TJP1: variants seen among roughly 807,000 people sequenced by gnomAD.
TJP1 encodes the protein tight junction protein 1.
In TJP1, 43 loss-of-function variants were observed where a neutral mutation model predicts 194.2. That is an observed-to-expected ratio of 0.22 (90% confidence interval 0.17 to 0.29). The LOEUF (loss-of-function observed/expected upper bound fraction) is 0.29. Ranked by LOEUF, TJP1 falls within the 10% of genes least tolerant of loss-of-function variation. The probability of loss-of-function intolerance (pLI) is 1.00; values close to 1 mark genes in which losing one functional copy is unlikely to be tolerated. For missense variants in TJP1, 1,971 were observed against 2,185.7 expected (o/e 0.90, Z 1.96); for synonymous variants, 801 against 779.0 (o/e 1.03, Z -0.47).
chr15:29,910,524 G>C (rs182419945), intron 2 of TJP1, among the ~76,000 whole-genome samples: 185 of 152,302 alleles, frequency 1.2e-3, no homozygotes, highest in Non-Finnish European at 2.1e-3. Context: ...TTTATATGTA[G>C]AAGTGTATTT....
At chr15:29,870,890 A>C (rs1348581546) in intron 2 of TJP1, among the ~76,000 whole-genome samples, 1 of 152,202 alleles carries the variant, frequency 6.6e-6, no homozygotes, top group African/African-American at 2.4e-5. Context: ...TAAAGCTAAC[A>C]AGTTGATTGA....
At chr15:29,747,973 T>G (rs2044921863) in intron 8 of TJP1, among the ~76,000 whole-genome samples, 1 of 152,236 alleles carries the variant, frequency 6.6e-6, no homozygotes. Flanking sequence ...ACCATTCTAT[T>G]CAATTTTTCA....
Position 29,733,099 on chromosome 15 carries a change from C to A in TJP1, c.1731G>T (p.Lys577Asn), listed in dbSNP as rs757282559. 22 of 1,612,980 alleles carry A rather than the reference C, an allele frequency of 1.4e-5. 1 individual carries two copies. The Admixed American group carries it at 1.7e-4, about 12-fold the overall frequency. The change falls in exon 13 of 28, where the codon AAG (lysine) becomes AAT (asparagine). Residue 577 changes from lysine to asparagine, a missense_variant. Around this residue, in one of 5 missense-constraint regions of TJP1, gnomAD observed 402 missense variants for 484.2 expected, o/e 0.83. Coordinates refer to ENST00000614355, the MANE Select transcript of TJP1 (RefSeq NM_001330239.4). ...AAGTATCCAAGCATTCATACCTGTT[C>A]TTATTAGGGATGATGCCTCGTTCTA... ...KEVERGIIPN[K>N]NRAEQLASVQ...
intron 1 of TJP1, among the ~76,000 whole-genome samples, chr15:29,811,037 A>C (rs2049462102): frequency 6.6e-6 from 1 of 152,164 alleles, no homozygotes; most frequent in African/African-American, 2.4e-5. Context: ...CTATGAAAGA[A>C]GGAAAAACAG....
Position 29,701,295 on chromosome 15 carries a change from G to A in TJP1, c.*300C>T, listed in dbSNP as rs147285364. On this transcript the variant is annotated 3_prime_UTR_variant, in exon 28 of 28. Transcript: ENST00000614355. ...CCCATTTACTGGCTGGTATTTTAAC[G>A]GAAATCAATATGTGAAGTTAAGCAG... 7 of 275,882 alleles carry A rather than the reference G, an allele frequency of 2.5e-5. 1 individual carries two copies. The highest frequency in any genetic ancestry group is 1.9e-4 in the East Asian group (3 of 15,484). The allele number at this position is 275,882 out of a possible 1,614,324, so 17.1% of individuals were successfully genotyped here.
At chr15:29,859,228 G>A (rs749771795) in intron 2 of TJP1, among the ~76,000 whole-genome samples, 5 of 152,136 alleles carry the variant, frequency 3.3e-5, no homozygotes, top group Non-Finnish European at 7.4e-5. Context: ...ACAAAAGGTC[G>A]GAATGATCAA....
At chr15:29,718,227 G>C in intron 21 of TJP1, 39 bp downstream of exon 21, 2 of 1,598,908 alleles carry the variant, frequency 1.3e-6, no homozygotes, top group South Asian at 1.1e-5. Context: ...CCTTTTAAAC[G>C]GTGTGCCCAT....
At chr15:29,871,459 T>C (rs918924369) in intron 2 of TJP1, among the ~76,000 whole-genome samples, 1 of 152,294 alleles carries the variant, frequency 6.6e-6, no homozygotes, top group Non-Finnish European at 1.5e-5. Context: ...TCTGTGAACG[T>C]AGGAGAAGCG....
intron 1 of TJP1, among the ~76,000 whole-genome samples, chr15:29,801,987 G>C (rs1844014054): frequency 6.6e-6 from 1 of 152,158 alleles, no homozygotes; most frequent in Admixed American, 6.5e-5. Context: ...GTTGGACAAG[G>C]TTGATCTAAG....
chr15:29,742,915 TA>T, intron 8 of TJP1, 134 bp from the exon 9 acceptor site: 1 of 690,054 alleles, frequency 1.4e-6, no homozygotes. Context: ...CAAAATATTG[TA>T]AAAACCTAGT....
chr15:29,877,193 T>C (rs1175895290), intron 2 of TJP1, among the ~76,000 whole-genome samples: 1 of 152,248 alleles, frequency 6.6e-6, no homozygotes, highest in African/African-American at 2.4e-5. Flanking sequence ...GTTTTAACAT[T>C]TGACTCCAAG....
At chr15:29,737,865 G>A (rs972860067) in intron 10 of TJP1, among the ~76,000 whole-genome samples, 1 of 152,048 alleles carries the variant, frequency 6.6e-6, no homozygotes, top group Non-Finnish European at 1.5e-5. Context: ...TCAAAATAAG[G>A]CTCCAAGCAT....
chr15:29,730,858 G>C, intron 15 of TJP1: 1 of 1,175,326 alleles, frequency 8.5e-7, no homozygotes, highest in East Asian at 2.3e-5. Context: ...GCAAAGAAGG[G>C]AGAGAAGGTA....
At chr15:29,798,634 AAT>A (rs900566766) in intron 2 of TJP1, among the ~76,000 whole-genome samples, 1 of 152,182 alleles carries the variant, frequency 6.6e-6, no homozygotes, top group African/African-American at 2.4e-5. Flanking sequence ...TTAAAACTTA[AAT>A]AATTACCATG....
intron 2 of TJP1, among the ~76,000 whole-genome samples, chr15:29,951,811 CAG>C (rs2055762452): frequency 6.6e-6 from 1 of 152,124 alleles, no homozygotes; most frequent in South Asian, 2.1e-4. Flanking sequence ...TTTCTGTTGG[CAG>C]AGAGATAAGC....
intron 2 of TJP1, among the ~76,000 whole-genome samples, chr15:29,870,905 T>C (rs752302364): frequency 5.9e-5 from 9 of 152,168 alleles, no homozygotes; most frequent in Non-Finnish European, 1.3e-4. Flanking sequence ...GATTGATATA[T>C]TCAAAGAGAG....
intron 1 of TJP1, among the ~76,000 whole-genome samples, chr15:29,818,661 G>T (rs1448616178): frequency 5.1e-5 from 7 of 137,720 alleles, no homozygotes; most frequent in African/African-American, 1.1e-4. Context: ...CTCGCCACCA[G>T]GCCCGGCTAT....
At chr15:29,832,480 C>T (rs2050867194) in intron 2 of TJP1, among the ~76,000 whole-genome samples, 1 of 152,176 alleles carries the variant, frequency 6.6e-6, no homozygotes, top group African/African-American at 2.4e-5. Flanking sequence ...TGGTTTGTTA[C>T]ATGGCAATGA....
chr15:29,718,124 TAA>T lies in TJP1; in HGVS notation c.3877-8_3877-7del, dbSNP rs563006679. 47,622 of 1,321,664 alleles carry T rather than the reference TAA, an allele frequency of 0.036. No individual in the cohort carries two copies. Among genetic ancestry groups the T allele is most frequent in the South Asian group, 0.042 (3,027 of 72,380 alleles). 81.9% of individuals were successfully genotyped at this position (1,321,664 alleles called of 1,614,324 possible). A position where few individuals can be genotyped will look rare whatever the true frequency, so the allele number is the denominator to read the frequency against. ...TTAGATGCTACTTCTGGAGGCTGTT[TAA>T]AAAAAAAAAAAAAAAAAAGACAAAT... is the stretch of plus-strand genomic sequence containing the variant. On this transcript the variant is annotated splice_polypyrimidine_tract_variant and splice_region_variant and intron_variant, in intron 21 of 27. Coordinates refer to ENST00000614355, the MANE Select transcript of TJP1 (RefSeq NM_001330239.4).
Sources: allele counts gnomAD v4.1 joint callset (sites outside exome capture counted in the v4.1 genomes callset), GRCh38; gene constraint gnomAD v4.1.1; regional missense constraint gnomAD v4.1.1; transcripts MANE v1.5; gene names NCBI Gene and HGNC (gene_info 2026-07-23, HGNC 2026-07-21).